Variants in RBFOX1 observed in about 807,000 individuals in gnomAD.
The protein encoded by RBFOX1 is RNA binding protein fox-1 homolog 1.
A neutral mutation model predicts 57.7 loss-of-function variants in RBFOX1; 8 were observed. The ratio of observed to expected loss-of-function variants is 0.14; its 90% confidence interval spans 0.08 to 0.25. The LOEUF (loss-of-function observed/expected upper bound fraction) is 0.25. Among genes scored for constraint, RBFOX1 ranks in the 10% least tolerant of loss-of-function variants. RBFOX1 has a pLI of 1.00. For missense variants in RBFOX1, 611 were observed against 548.5 expected (o/e 1.11, Z -1.14); for synonymous variants, 326 against 222.4 (o/e 1.47, Z -4.15).
chr16:6,733,082 A>C (rs894165448), intron 3 of RBFOX1, among the ~76,000 whole-genome samples: 3 of 152,204 alleles, frequency 2.0e-5, no homozygotes, highest in Non-Finnish European at 2.9e-5. Context: ...CTCTTACATA[A>C]AAAGATGCTG....
At chr16:7,221,466 A>C (rs1390839176) in intron 4 of RBFOX1, among the ~76,000 whole-genome samples, 2 of 151,980 alleles carry the variant, frequency 1.3e-5, no homozygotes, top group Non-Finnish European at 2.9e-5. Context: ...TCCCAGGTTC[A>C]GGCGATTCTC....
intron 1 of RBFOX1, among the ~76,000 whole-genome samples, chr16:6,118,423 G>C (rs1208649359): frequency 1.3e-5 from 2 of 152,114 alleles, no homozygotes; most frequent in Non-Finnish European, 2.9e-5. Flanking sequence ...TTCAATGTTT[G>C]GTGAGTGCTG....
At chr16:7,020,962 A>G (rs1262007786) in intron 3 of RBFOX1, among the ~76,000 whole-genome samples, 1 of 152,130 alleles carries the variant, frequency 6.6e-6, no homozygotes, top group Non-Finnish European at 1.5e-5. Context: ...TCCTGTCTCT[A>G]CTTAAAAATA....
intron 4 of RBFOX1, among the ~76,000 whole-genome samples, chr16:7,343,100 C>A (rs531479488): frequency 6.6e-6 from 1 of 152,122 alleles, no homozygotes; most frequent in Non-Finnish European, 1.5e-5. Flanking sequence ...GGGACAGACT[C>A]TTTAGGACCA....
chr16:7,584,283 C>T (rs1049173345), intron 6 of RBFOX1, among the ~76,000 whole-genome samples: 18 of 152,054 alleles, frequency 1.2e-4, no homozygotes, highest in Admixed American at 6.6e-5. Flanking sequence ...TGCCTGTAAG[C>T]TTCTAGATCT....
At chr16:5,714,788 C>T (rs917339884) in intron 3 of RBFOX1, among the ~76,000 whole-genome samples, 2 of 152,188 alleles carry the variant, frequency 1.3e-5, no homozygotes, top group African/African-American at 2.4e-5. Context: ...ATATCAGCCT[C>T]GTAAGGTAGA....
At chr16:6,701,966 G>A (rs1369557389) in intron 3 of RBFOX1, among the ~76,000 whole-genome samples, 1 of 152,100 alleles carries the variant, frequency 6.6e-6, no homozygotes, top group African/African-American at 2.4e-5. Context: ...TGGGAGGAGG[G>A]TGAGGCTCAA....
intron 4 of RBFOX1, among the ~76,000 whole-genome samples, chr16:7,496,047 G>A (rs1429061253): frequency 6.6e-6 from 1 of 152,154 alleles, no homozygotes; most frequent in Non-Finnish European, 1.5e-5. Context: ...GTGGTGTGGT[G>A]GGAAGATACT....
At chr16:6,677,468 G>A (rs1015929530) in intron 3 of RBFOX1, among the ~76,000 whole-genome samples, 1 of 152,060 alleles carries the variant, frequency 6.6e-6, no homozygotes. Flanking sequence ...TACATCAAAA[G>A]ATCCTAAAAA....
At chr16:7,500,374 C>T (rs1250148149) in intron 4 of RBFOX1, among the ~76,000 whole-genome samples, 1 of 152,134 alleles carries the variant, frequency 6.6e-6, no homozygotes, top group African/African-American at 2.4e-5. Flanking sequence ...TTTGTAAGTC[C>T]AGTGAGGTTG....
In RBFOX1 at chr16:7,043,196, C is replaced by G. The variant is rs564771403; in HGVS notation, c.-15-8861C>G. Among the ~76,000 whole-genome samples the G allele has an allele frequency of 4.6e-5, 7 of 152,258 alleles. No homozygotes were observed. In the East Asian group the frequency reaches 1.2e-3, roughly 25 times the overall value. ...CTCCAGAAACAACTGACTGATGTCT[C>G]CTCCACTGCTTCCCGTCCTTCAGCA... On this transcript the variant is annotated intron_variant, in intron 3 of 15. Transcript: ENST00000550418.
At chr16:6,887,545 A>G (rs1346382295) in intron 3 of RBFOX1, among the ~76,000 whole-genome samples, 1 of 149,368 alleles carries the variant, frequency 6.7e-6, no homozygotes, top group Non-Finnish European at 1.5e-5. Context: ...GTTTATAGAC[A>G]CAAAAACACA....
chr16:6,960,904 T>C lies in RBFOX1; in HGVS notation c.-15-91153T>C, dbSNP rs909615363. Among the ~76,000 whole-genome samples, 4 of 141,692 alleles carry C rather than the reference T, an allele frequency of 2.8e-5. No homozygotes were observed. In the South Asian group the frequency reaches 8.9e-4, roughly 32 times the overall value. 93.0% of individuals were successfully genotyped at this position (141,692 alleles called of 152,430 possible). On this transcript the variant is annotated intron_variant, in intron 3 of 15. Transcript: ENST00000550418. Reference sequence around the variant, plus strand: ...ATCCCAGCACTTTGGAAGGCCAAGGTGGGCGGATCACTTGAGGTCAGGAGA... The same window carrying C: ...ATCCCAGCACTTTGGAAGGCCAAGGCGGGCGGATCACTTGAGGTCAGGAGA...
At chr16:7,456,917 G>A (rs2058633855) in intron 4 of RBFOX1, among the ~76,000 whole-genome samples, 1 of 151,464 alleles carries the variant, frequency 6.6e-6, no homozygotes, top group Non-Finnish European at 1.5e-5. Context: ...TTGAAACGGA[G>A]TTTCGCTCTT....
chr16:7,463,469 G>A (rs113478556), intron 4 of RBFOX1, among the ~76,000 whole-genome samples: 2,903 of 152,220 alleles, frequency 0.019, 35 homozygotes, highest in Middle Eastern at 0.041. Context: ...GCGTCACTGC[G>A]TTGCAGCCTG....
At chr16:7,235,105 T>G (rs1208397806) in intron 4 of RBFOX1, among the ~76,000 whole-genome samples, 1 of 152,000 alleles carries the variant, frequency 6.6e-6, no homozygotes. Flanking sequence ...AAAAAGTTCT[T>G]TAAGAGGTAT....
intron 1 of RBFOX1, among the ~76,000 whole-genome samples, chr16:6,216,109 A>G (rs2097334245): frequency 6.6e-6 from 1 of 152,084 alleles, no homozygotes; most frequent in Non-Finnish European, 1.5e-5. Flanking sequence ...GAGGGGAATA[A>G]CGCACACCGG....
intron 9 of RBFOX1, among the ~76,000 whole-genome samples, chr16:7,604,503 CTTTATTTTT>C (rs2095203321): frequency 6.6e-6 from 1 of 152,126 alleles, no homozygotes; most frequent in Non-Finnish European, 1.5e-5. Context: ...CATTTATTTT[CTTTATTTTT>C]TTATGAAGAG....
chr16:6,834,152 C>A (rs932789104), intron 3 of RBFOX1, among the ~76,000 whole-genome samples: 1 of 152,058 alleles, frequency 6.6e-6, no homozygotes, highest in Non-Finnish European at 1.5e-5. Context: ...CGGCTCACCA[C>A]AACCTCCGCC....
Sources: allele counts gnomAD v4.1 joint callset (sites outside exome capture counted in the v4.1 genomes callset), GRCh38; gene constraint gnomAD v4.1.1; transcripts MANE v1.5; gene names NCBI Gene and HGNC (gene_info 2026-07-23, HGNC 2026-07-21).